The following EYS variants were observed in gnomAD, a reference collection of about 807,000 sequenced individuals.
The protein encoded by EYS is EGF-like photoreceptor maintenance factor, also known as protein eyes shut homolog.
In EYS, 250 loss-of-function variants were observed where a neutral mutation model predicts 282.1. The observed-to-expected ratio is 0.89, with a 90% confidence interval of 0.80 to 0.98. EYS has a LOEUF of 0.98. EYS is among the 50% of genes least tolerant of loss of function. The pLI is 0.00. For synonymous variants in EYS, 1,355 were observed against 1,282.9 expected, an observed-to-expected ratio of 1.06 and a Z score of -1.20; for missense variants, 4,016 against 3,709.0, an observed-to-expected ratio of 1.08 and a Z score of -2.15.
At chr6:63,997,351 T>G (rs953528400) in intron 34 of EYS, among the ~76,000 whole-genome samples, 2 of 152,200 alleles carry the variant, frequency 1.3e-5, no homozygotes, top group Non-Finnish European at 2.9e-5. Flanking sequence ...GGGACTGAAG[T>G]GTGTCTGAGA....
chr6:65,407,556 G>C (rs1277208929), intron 5 of EYS, among the ~76,000 whole-genome samples: 1 of 151,940 alleles, frequency 6.6e-6, no homozygotes, highest in African/African-American at 2.4e-5. Context: ...GCCCGGCCTT[G>C]AAGTATTGTT....
intron 2 of EYS, among the ~76,000 whole-genome samples, chr6:65,587,078 C>T (rs1765075348): frequency 6.6e-6 from 1 of 151,946 alleles, no homozygotes; most frequent in South Asian, 2.1e-4. Context: ...ATATTTTAGG[C>T]TACCATTGAG....
At chr6:65,691,128 C>T (rs1769226534) in intron 1 of EYS, among the ~76,000 whole-genome samples, 1 of 150,274 alleles carries the variant, frequency 6.7e-6, no homozygotes, top group African/African-American at 2.4e-5. Flanking sequence ...AATGGTACTT[C>T]TGGTTCTAGA....
At chr6:64,707,384 T>TG (rs1257562733) in intron 22 of EYS, among the ~76,000 whole-genome samples, 1 of 151,934 alleles carries the variant, frequency 6.6e-6, no homozygotes, top group African/African-American at 2.4e-5. Flanking sequence ...GACTACATAT[T>TG]GGGGGCCAGG....
At chr6:64,128,118 C>G (rs1773844686) in intron 31 of EYS, among the ~76,000 whole-genome samples, 1 of 152,100 alleles carries the variant, frequency 6.6e-6, no homozygotes, top group African/African-American at 2.4e-5. Context: ...AGACAACTTT[C>G]TCCAATATAA....
chr6:64,656,276 AAAG>A (rs1024607813), intron 22 of EYS, among the ~76,000 whole-genome samples: 5 of 152,100 alleles, frequency 3.3e-5, no homozygotes, highest in Non-Finnish European at 5.9e-5. Flanking sequence ...GGAGGTGGGG[AAAG>A]AAGATTTTCC....
chr6:64,503,933 G>GCT (rs1021915885), intron 26 of EYS, among the ~76,000 whole-genome samples: 4 of 151,716 alleles, frequency 2.6e-5, no homozygotes, highest in South Asian at 4.2e-4. Context: ...ATCCCCCTTG[G>GCT]CTCTCTCTCT....
chr6:65,284,217 A>G (rs1768298556), intron 12 of EYS, among the ~76,000 whole-genome samples: 1 of 152,126 alleles, frequency 6.6e-6, no homozygotes, highest in African/African-American at 2.4e-5. Flanking sequence ...TGGCTACCAG[A>G]TAACAGAAAA....
chr6:65,525,289 T>A (rs984799876), intron 2 of EYS, among the ~76,000 whole-genome samples: 2 of 152,112 alleles, frequency 1.3e-5, no homozygotes, highest in Non-Finnish European at 2.9e-5. Flanking sequence ...ATTGTAATCA[T>A]CCTCTGCAGA....
intron 15 of EYS, among the ~76,000 whole-genome samples, chr6:64,945,066 G>A (rs1191126218): frequency 6.6e-6 from 1 of 150,684 alleles, no homozygotes; most frequent in Non-Finnish European, 1.5e-5. Flanking sequence ...CTCAGAGGCC[G>A]GTGCAGGTCC....
chr6:64,256,787 T>G (rs1410133034), intron 30 of EYS, among the ~76,000 whole-genome samples: 1 of 152,060 alleles, frequency 6.6e-6, no homozygotes. Context: ...CTACCATTTA[T>G]GAGCTTAACA....
chr6:64,764,288 A>T (rs1773255163), intron 22 of EYS, among the ~76,000 whole-genome samples: 1 of 152,224 alleles, frequency 6.6e-6, no homozygotes, highest in Non-Finnish European at 1.5e-5. Flanking sequence ...AAATCTAGGC[A>T]GGAGTTCCAA....
intron 13 of EYS, among the ~76,000 whole-genome samples, chr6:65,056,395 C>T (rs1291954960): frequency 6.6e-6 from 1 of 151,922 alleles, no homozygotes; most frequent in Non-Finnish European, 1.5e-5. Flanking sequence ...ATGAAGTCTA[C>T]CAGCCTGGGC....
At chr6:65,082,370 C>T (rs536187279) in intron 12 of EYS, among the ~76,000 whole-genome samples, 8 of 151,928 alleles carry the variant, frequency 5.3e-5, no homozygotes, top group East Asian at 1.9e-4. Context: ...AATACAAAAC[C>T]ATGAATACTT....
At chr6:65,004,000 C>T (rs995578210) in intron 13 of EYS, among the ~76,000 whole-genome samples, 2 of 146,898 alleles carry the variant, frequency 1.4e-5, no homozygotes, top group Admixed American at 6.8e-5. Flanking sequence ...TCCCTCTTTC[C>T]TTCTTTTCTT....
chr6:64,706,907 A>C (rs1771037435), intron 22 of EYS, among the ~76,000 whole-genome samples: 1 of 152,162 alleles, frequency 6.6e-6, no homozygotes. Flanking sequence ...ACAATGTGGA[A>C]ATTCCTTAAA....
rs57451331 is a variant in EYS at position 63,908,012 on chromosome 6, GTATATA to G, written c.7056-43660_7056-43655del. ...TACACACACACACACACACACAAAC[GTATATA>G]TATATATATATATACGTTTGTGTGT... On this transcript the variant is annotated intron_variant, in intron 35 of 42. Coordinates refer to ENST00000503581, the MANE Select transcript of EYS (RefSeq NM_001142800.2). 3.6e-3 allele frequency among the ~76,000 whole-genome samples: 476 copies of G among 131,154 alleles called. 7 individuals carry two copies. In the East Asian group the frequency reaches 0.046, roughly 13 times the overall value. The allele number at this position is 131,154 out of a possible 152,430, so 86.0% of individuals were successfully genotyped here.
intron 22 of EYS, among the ~76,000 whole-genome samples, chr6:64,726,489 GAT>G (rs1265861172): frequency 6.6e-6 from 1 of 152,024 alleles, no homozygotes; most frequent in Non-Finnish European, 1.5e-5. Context: ...GCTAACTATA[GAT>G]AGATATTATA....
intron 26 of EYS, among the ~76,000 whole-genome samples, chr6:64,472,201 C>A (rs1776141362): frequency 2.6e-5 from 4 of 152,198 alleles, no homozygotes; most frequent in Admixed American, 2.6e-4. Flanking sequence ...TAAGCCTTCA[C>A]ATCTGGTGAT....
Sources: gnomAD v4.1 joint callset for allele counts (sites outside exome capture counted in the v4.1 genomes callset) on GRCh38, gnomAD v4.1.1 for gene constraint, MANE v1.5 for transcripts, NCBI Gene and HGNC (gene_info 2026-07-23, HGNC 2026-07-21) for gene names.